Variants in LDB3 observed in about 807,000 individuals in gnomAD.
LDB3 encodes the protein LIM domain binding 3, also known as LIM domain-binding protein 3.
A neutral mutation model predicts 69.0 loss-of-function variants in LDB3; 49 were observed. The ratio of observed to expected loss-of-function variants is 0.71; its 90% CI spans 0.56 to 0.90. The LOEUF (loss-of-function observed/expected upper bound fraction) is 0.90. Ranked by LOEUF, LDB3 falls within the 40% of genes least tolerant of loss-of-function variation. LDB3 has a pLI of 0.00. For missense variants in LDB3, 928 were observed against 974.1 expected (o/e 0.95, Z 0.63); for synonymous variants, 387 against 396.2 (o/e 0.98, Z 0.28).
chr10:86,670,619 A>T (rs1023208271), intron 2 of LDB3, among the ~76,000 whole-genome samples: 1 of 152,238 alleles, frequency 6.6e-6, no homozygotes, highest in East Asian at 1.9e-4. Context: ...ATGGCAGCCC[A>T]GAAGCCTTAA....
At chr10:86,679,649 G>T in intron 3 of LDB3, 131 bp downstream of exon 3, 2 of 1,044,324 alleles carry the variant, frequency 1.9e-6, no homozygotes, top group Non-Finnish European at 2.9e-6. Flanking sequence ...AGGAAGATAA[G>T]GACAGCCCTG....
chr10:86,669,945 G>A (rs1174322625), intron 2 of LDB3, among the ~76,000 whole-genome samples: 1 of 152,222 alleles, frequency 6.6e-6, no homozygotes, highest in Non-Finnish European at 1.5e-5. Flanking sequence ...GCACTGAAGT[G>A]GGCAAGGCCT....
chr10:86,698,355 G>A (rs542323564), intron 7 of LDB3, among the ~76,000 whole-genome samples: 2,451 of 152,324 alleles, frequency 0.016, 52 homozygotes, highest in African/African-American at 0.049. Context: ...GCACCGTACA[G>A]GTTAAACATA....
intron 8 of LDB3, among the ~76,000 whole-genome samples, chr10:86,709,232 G>A (rs1217520211): frequency 1.3e-5 from 2 of 152,186 alleles, no homozygotes; most frequent in East Asian, 3.8e-4. Flanking sequence ...CTCTCCTGAG[G>A]GTAATGAACT....
intron 12 of LDB3, among the ~76,000 whole-genome samples, chr10:86,725,201 G>A (rs966429672): frequency 1.1e-4 from 17 of 152,224 alleles, no homozygotes; most frequent in African/African-American, 3.6e-4. Flanking sequence ...CAGTCAGTGT[G>A]GTAGAACTGT....
At chr10:86,716,853 G>T in intron 10 of LDB3, 82 bp downstream of exon 10, 1 of 1,427,680 alleles carries the variant, frequency 7.0e-7, no homozygotes, top group Non-Finnish European at 9.6e-7. Context: ...AGCCCTGGTT[G>T]GGAGAGATGG....
chr10:86,692,116 C>T (rs760244740), intron 6 of LDB3, 51 bp downstream of exon 6: 1 of 1,602,126 alleles, frequency 6.2e-7, no homozygotes, highest in South Asian at 1.1e-5. Flanking sequence ...GCTGAGGGGC[C>T]ACCAGGGACC....
At chr10:86,687,368 T>C (rs1845540193) in intron 5 of LDB3, 1 of 1,234,466 alleles carries the variant, frequency 8.1e-7, no homozygotes, top group African/African-American at 1.5e-5. Flanking sequence ...TTCCCTCACG[T>C]TGGACCTCCT....
chr10:86,692,801 C>T (rs953159404), intron 7 of LDB3, among the ~76,000 whole-genome samples: 2 of 152,214 alleles, frequency 1.3e-5, no homozygotes, highest in Non-Finnish European at 2.9e-5. Context: ...AGAGCGAAGG[C>T]TCTGGGCTCT....
chr10:86,680,208 G>A (rs1224916238), intron 4 of LDB3, 51 bp downstream of exon 4: 2 of 1,538,954 alleles, frequency 1.3e-6, no homozygotes, highest in East Asian at 4.5e-5. Context: ...TTCCTGGAGT[G>A]CTGGCCCTGG....
At chr10:86,704,819 T>C (rs1846386262) in intron 7 of LDB3, among the ~76,000 whole-genome samples, 1 of 151,972 alleles carries the variant, frequency 6.6e-6, no homozygotes, top group African/African-American at 2.4e-5. Flanking sequence ...CCTGACCTCG[T>C]GATCCGCCCA....
At chr10:86,692,998 A>C (rs867407620) in intron 7 of LDB3, among the ~76,000 whole-genome samples, 15 of 152,188 alleles carry the variant, frequency 9.9e-5, no homozygotes, top group African/African-American at 3.4e-4. Flanking sequence ...GCTGTGCTGG[A>C]CGTGAACGCC....
intron 7 of LDB3, 64 bp from the exon 8 acceptor site, chr10:86,706,467 A>T: frequency 6.4e-7 from 1 of 1,569,364 alleles, no homozygotes; most frequent in Non-Finnish European, 8.7e-7. Flanking sequence ...GCCCCCATGC[A>T]GAGGGGCCTC....
chr10:86,711,257 G>A (rs1417989385), intron 9 of LDB3, among the ~76,000 whole-genome samples: 1 of 152,134 alleles, frequency 6.6e-6, no homozygotes, highest in Non-Finnish European at 1.5e-5. Flanking sequence ...TCTTCGCCCA[G>A]CCCGCCAGGC....
At position 86,681,453 on chromosome 10, in the gene LDB3, G is replaced by A. The variant is rs764939271; in HGVS notation, c.339G>A (p.Thr113=). 16 of 1,604,162 alleles carry A rather than the reference G, an allele frequency of 1.0e-5. No individual in the cohort carries two copies. The highest frequency in any genetic ancestry group is 5.0e-5 in the Admixed American group (3 of 60,026). The change falls in exon 5 of 14, where the codon ACG becomes ACA. Residue 113 remains threonine (T), a synonymous_variant. Coordinates refer to ENST00000361373, the MANE Select transcript of LDB3 (RefSeq NM_007078.3). Reference sequence around the variant, plus strand: ...TGTGCCAGGACCCCGCTCTGGACACGAACGGCAGCCTGGTGGCACCCAGCC... The same window carrying A: ...TGTGCCAGGACCCCGCTCTGGACACAAACGGCAGCCTGGTGGCACCCAGCC... ...IPHQKDPALD[T]NGSLVAPSPS...
chr10:86,711,291 C>G (rs1450654017), intron 9 of LDB3, among the ~76,000 whole-genome samples: 1 of 152,020 alleles, frequency 6.6e-6, no homozygotes, highest in East Asian at 1.9e-4. Context: ...CGGGGGCGCG[C>G]GGCCAGCCCG....
intron 12 of LDB3, among the ~76,000 whole-genome samples, chr10:86,723,023 T>G (rs777733385): frequency 1.7e-4 from 26 of 151,696 alleles, no homozygotes; most frequent in Non-Finnish European, 3.2e-4. Context: ...TCATAGTACT[T>G]TAGGAGGCCA....
upstream of LDB3, among the ~76,000 whole-genome samples, chr10:86,667,109 A>G (rs1288060162): frequency 6.6e-6 from 1 of 152,172 alleles, no homozygotes; most frequent in African/African-American, 2.4e-5. Context: ...GTGATTAAGC[A>G]GGGAAAAGGA....
chr10:86,705,630 G>T (rs1348094403), intron 7 of LDB3, among the ~76,000 whole-genome samples: 1 of 152,180 alleles, frequency 6.6e-6, no homozygotes, highest in Non-Finnish European at 1.5e-5. Flanking sequence ...CCTCTGTCAG[G>T]TTCTGCCTGC....
Sources: gnomAD v4.1 joint callset for allele counts (sites outside exome capture counted in the v4.1 genomes callset) on GRCh38, gnomAD v4.1.1 for gene constraint, MANE v1.5 for transcripts, NCBI Gene and HGNC (gene_info 2026-07-23, HGNC 2026-07-21) for gene names.